Variants in NUP188 observed in about 807,000 individuals in gnomAD.
NUP188 encodes nucleoporin 188.
In NUP188, 97 loss-of-function variants were observed where a neutral mutation model predicts 223.0. The observed-to-expected ratio is 0.43, with a 90% CI of 0.37 to 0.51. NUP188 has a LOEUF of 0.51. Ranked by LOEUF, NUP188 falls within the 20% of genes least tolerant of loss-of-function variation. NUP188 has a pLI of 0.00. For missense variants in NUP188, 1,947 were observed against 2,175.6 expected (o/e 0.89, Z 2.09); for synonymous variants, 869 against 828.0 (o/e 1.05, Z -0.85).
intron 25 of NUP188, among the ~76,000 whole-genome samples, chr9:128,990,631 G>A (rs988254410): frequency 4.6e-5 from 7 of 152,226 alleles, no homozygotes; most frequent in South Asian, 2.1e-4. Flanking sequence ...TTGGGAGGCC[G>A]AGGCGGGTGT....
chr9:129,001,524 G>A lies in NUP188; in HGVS notation c.3844-5G>A. Reference sequence around the variant, plus strand: ...CCCCTTTTACTCATCTTTGCCTCTGGGCAGGTGTGTGTCCTGGGCCTGCAC... The same window carrying A: ...CCCCTTTTACTCATCTTTGCCTCTGAGCAGGTGTGTGTCCTGGGCCTGCAC... On this transcript the variant is annotated splice_region_variant and splice_polypyrimidine_tract_variant and intron_variant, in intron 34 of 43. Transcript: ENST00000372577. 9 of 1,611,688 alleles carry A rather than the reference G, an allele frequency of 5.6e-6. No homozygotes were observed. The highest frequency in any genetic ancestry group is 6.8e-6 in the Non-Finnish European group (8 of 1,178,490).
At chr9:128,953,444 C>T (rs1037051834) in intron 3 of NUP188, among the ~76,000 whole-genome samples, 17 of 152,072 alleles carry the variant, frequency 1.1e-4, no homozygotes, top group African/African-American at 3.9e-4. Context: ...TTCTATTATG[C>T]GTTATAGTCT....
intron 3 of NUP188, among the ~76,000 whole-genome samples, chr9:128,954,932 C>A (rs1841848162): frequency 6.6e-6 from 1 of 151,640 alleles, no homozygotes; most frequent in Non-Finnish European, 1.5e-5. Context: ...CAGCTCACTG[C>A]AACCTTTGCC....
At chr9:128,982,433 A>C (rs1379917898) in intron 15 of NUP188, 116 bp from the exon 16 acceptor site, 1 of 1,032,814 alleles carries the variant, frequency 9.7e-7, no homozygotes, top group East Asian at 2.5e-5. Context: ...GTCTCAAAAA[A>C]AAAAAATGTC....
intron 25 of NUP188, 196 bp from the exon 26 acceptor site, chr9:128,993,001 C>G (rs570738722): frequency 1.7e-6 from 1 of 583,500 alleles, no homozygotes; most frequent in East Asian, 2.9e-5. Flanking sequence ...TTTCTTTATA[C>G]TGATTACTGT....
At chr9:129,006,473 G>A (rs1194959161) in intron 43 of NUP188, 29 bp from the exon 44 acceptor site, 1 of 1,611,490 alleles carries the variant, frequency 6.2e-7, no homozygotes, top group South Asian at 1.1e-5. Context: ...GATGTGCTGA[G>A]CCTCACCAAG....
rs368866832 is a variant in NUP188, at chr9:128,999,325, G to C, written c.3661+8G>C. The C allele has an allele frequency of 3.8e-5, 61 of 1,613,122 alleles. No homozygotes were observed. In the African/African-American group the frequency reaches 6.8e-4, roughly 18 times the overall value. On this transcript the variant is annotated splice_region_variant and intron_variant, in intron 33 of 43. Coordinates refer to ENST00000372577, the MANE Select transcript of NUP188 (RefSeq NM_015354.3). The stretch of plus-strand genomic sequence containing the variant: ...AAATGAAGGAGATGAAAGGTGAGGG[G>C]CAGAGGCAGGGGGAGCAGCAGCTGC...
At chr9:128,977,495 G>A (rs552289746) in intron 12 of NUP188, among the ~76,000 whole-genome samples, 9 of 152,182 alleles carry the variant, frequency 5.9e-5, no homozygotes, top group South Asian at 2.1e-4. Flanking sequence ...TGTGCTAAGC[G>A]CTAAGGATAA....
chr9:128,957,333 A>G (rs964454797), intron 5 of NUP188, among the ~76,000 whole-genome samples: 62 of 152,202 alleles, frequency 4.1e-4, no homozygotes, highest in African/African-American at 1.4e-3. Flanking sequence ...GTGAGACCCT[A>G]TCTCTTTAAA....
chr9:128,984,143 T>TTTTTTTTTTTTTTTTTTTTTTTTTG (rs1842297844), intron 19 of NUP188, among the ~76,000 whole-genome samples: 1 of 145,122 alleles, frequency 6.9e-6, no homozygotes. Flanking sequence ...TTTTTTTTTT[T>TTTTTTTTTTTTTTTTTTTTTTTTTG]GAGATGGAGT....
chr9:129,006,870 A>G lies in NUP188; in HGVS notation c.*192A>G, dbSNP rs1310857424. ...CTAGATGAAGAGGTCAACAGCAGGC[A>G]TGGGGAGCCGAGTCTTCTGTGCTCA... On this transcript the variant is annotated 3_prime_UTR_variant, in exon 44 of 44. Transcript: ENST00000372577. 3.7e-6 allele frequency: 2 copies of G among 534,550 alleles called. No homozygotes were observed. Among genetic ancestry groups the G allele is most frequent in the Non-Finnish European group, 6.4e-6 (2 of 313,628 alleles). The allele number at this position is 534,550 out of a possible 1,614,324, so 33.1% of individuals were successfully genotyped here. A position where few individuals can be genotyped will look rare whatever the true frequency, so the allele number is the denominator to read the frequency against.
intron 2 of NUP188, among the ~76,000 whole-genome samples, chr9:128,950,547 C>T (rs958444119): frequency 2.0e-5 from 3 of 152,058 alleles, no homozygotes; most frequent in African/African-American, 7.2e-5. Flanking sequence ...GTTCCTAAAA[C>T]TTTATAAACG....
Position 128,987,633 on chromosome 9 carries a change from A to G in NUP188, c.2309A>G (p.Tyr770Cys), listed in dbSNP as rs776756468. The change falls in exon 23 of 44, where the codon TAC (tyrosine) becomes TGC (cysteine). Residue 770 changes from tyrosine to cysteine, a missense_variant. Tyr to Cys is a radical substitution (Grantham distance 194). Transcript: ENST00000372577. ...LQFLCICSLA[Y>C]TEAGQTVINI... ...TTTCTCTGCATCTGCAGCCTGGCATACACAGAAGCAGGACAGACAGTTATC... is the reference window on the plus strand; with the variant it reads ...TTTCTCTGCATCTGCAGCCTGGCATGCACAGAAGCAGGACAGACAGTTATC... The G allele has an allele frequency of 2.5e-6, 4 of 1,614,028 alleles. No individual in the cohort carries two copies. Among genetic ancestry groups the G allele is most frequent in the Non-Finnish European group, 1.7e-6 (2 of 1,179,942 alleles).
intron 30 of NUP188, 67 bp downstream of exon 30, chr9:128,995,581 C>A (rs1343322628): frequency 1.5e-6 from 2 of 1,295,954 alleles, no homozygotes; most frequent in Admixed American, 2.2e-5. Flanking sequence ...ATGAGCCTAG[C>A]AGATACAGCT....
Position 128,979,344 on chromosome 9 carries a change from G to C in NUP188, c.1269+17G>C. ...TGGGGAACAGTAAGTATGTCAGAGA[G>C]AGTCACTGCATAGCAAAAGAATTGT... On this transcript the variant is annotated intron_variant, in intron 13 of 43. Coordinates refer to ENST00000372577, the MANE Select transcript of NUP188 (RefSeq NM_015354.3). The C allele has an allele frequency of 6.3e-7, 1 of 1,586,098 alleles. No individual in the cohort carries two copies. Among genetic ancestry groups the C allele is most frequent in the Non-Finnish European group, 8.6e-7 (1 of 1,156,090 alleles).
At position 128,988,101 on chromosome 9, in the gene NUP188, G is replaced by C. The variant is rs764926110; in HGVS notation, c.2448G>C (p.Leu816=). The stretch of plus-strand genomic sequence containing the variant: ...AGCTGCTGATCAAGACAGTGAAACT[G>C]GCATTCTCCGTCACCAACAATGTTA... The part of the protein sequence containing the change: ...QGQLLIKTVK[L]AFSVTNNVIR... Residue 816 remains leucine (L), a synonymous_variant, in exon 24 of 44, where the codon CTG becomes CTC. Transcript: ENST00000372577. 3.1e-6 allele frequency: 5 copies of C among 1,614,200 alleles called. No individual in the cohort carries two copies. The highest frequency in any genetic ancestry group is 2.5e-6 in the Non-Finnish European group (3 of 1,180,014).
chr9:128,947,814 C>T (rs980244395), intron 1 of NUP188, 63 bp downstream of exon 1: 3 of 1,313,100 alleles, frequency 2.3e-6, no homozygotes, highest in Admixed American at 3.5e-5. Context: ...CGAGCGGAAG[C>T]GGGGCGGGAA....
At chr9:128,966,166 TGTGC>T (rs1251408867) in intron 8 of NUP188, among the ~76,000 whole-genome samples, 30 of 136,384 alleles carry the variant, frequency 2.2e-4, no homozygotes, top group African/African-American at 7.5e-4. Flanking sequence ...TGTGTGTGTG[TGTGC>T]GTGTGCCCAG....
chr9:128,989,043 C>T (rs1842379140), intron 24 of NUP188, among the ~76,000 whole-genome samples: 1 of 151,942 alleles, frequency 6.6e-6, no homozygotes, highest in Admixed American at 6.5e-5. Context: ...GCATGAGCCA[C>T]CGTGCTCTAA....
Sources: gnomAD v4.1 joint callset for allele counts (sites outside exome capture counted in the v4.1 genomes callset) on GRCh38, gnomAD v4.1.1 for gene constraint, MANE v1.5 for transcripts, NCBI Gene and HGNC (gene_info 2026-07-23, HGNC 2026-07-21) for gene names.